The following FYN variants were observed in gnomAD, a reference collection of about 807,000 sequenced individuals.
FYN encodes FYN proto-oncogene, Src family tyrosine kinase.
In FYN, 10 loss-of-function variants were observed where a neutral mutation model predicts 70.2. The observed-to-expected ratio is 0.14, with a 90% CI of 0.09 to 0.24. The LOEUF (loss-of-function observed/expected upper bound fraction) is 0.24. Ranked by LOEUF, FYN falls within the 10% of genes least tolerant of loss-of-function variation. The pLI is 1.00. For missense variants in FYN, 319 were observed against 673.1 expected, an observed-to-expected ratio of 0.47 and a Z score of 5.82; for synonymous variants, 236 against 248.6, an observed-to-expected ratio of 0.95 and a Z score of 0.48.
intron 2 of FYN, among the ~76,000 whole-genome samples, chr6:111,835,894 T>C (rs6923217): frequency 0.15 from 22,869 of 152,046 alleles, 3,025 homozygotes; most frequent in African/African-American, 0.36. Context: ...AGAAACCTCA[T>C]CATATCCCAC....
intron 2 of FYN, among the ~76,000 whole-genome samples, chr6:111,782,718 A>T (rs1456020703): frequency 6.6e-6 from 1 of 152,140 alleles, no homozygotes; most frequent in East Asian, 1.9e-4. Flanking sequence ...ATACTCTCTC[A>T]ACCTTTCAGG....
At chr6:111,854,008 G>C (rs1773756967) in intron 1 of FYN, among the ~76,000 whole-genome samples, 1 of 152,242 alleles carries the variant, frequency 6.6e-6, no homozygotes, top group Admixed American at 6.5e-5. Context: ...CAGGTTGACA[G>C]TGTCCTTCCC....
At chr6:111,743,280 C>G (rs747604836) in intron 3 of FYN, among the ~76,000 whole-genome samples, 1 of 152,048 alleles carries the variant, frequency 6.6e-6, no homozygotes, top group Admixed American at 6.6e-5. Context: ...TCTTTTACAT[C>G]GTAGTTTTGA....
intron 2 of FYN, among the ~76,000 whole-genome samples, chr6:111,811,313 A>G (rs1583463721): frequency 6.6e-6 from 1 of 152,208 alleles, no homozygotes; most frequent in Non-Finnish European, 1.5e-5. Flanking sequence ...TTTCAAAAGG[A>G]AACGTTTTAA....
At chr6:111,859,109 G>A (rs900934084) in intron 1 of FYN, among the ~76,000 whole-genome samples, 6 of 151,864 alleles carry the variant, frequency 4.0e-5, no homozygotes, top group Non-Finnish European at 7.4e-5. Context: ...CTCCTCTTCC[G>A]TACCTGCTGT....
intron 1 of FYN, among the ~76,000 whole-genome samples, chr6:111,858,950 C>T (rs1773891863): frequency 1.3e-5 from 2 of 152,098 alleles, no homozygotes; most frequent in Admixed American, 6.5e-5. Flanking sequence ...GAGCCTATGG[C>T]TTTCCGTTTC....
chr6:111,755,639 G>A (rs1802698561), intron 3 of FYN, among the ~76,000 whole-genome samples: 3 of 152,248 alleles, frequency 2.0e-5, no homozygotes, highest in South Asian at 4.1e-4. Flanking sequence ...AAGTCTCAAT[G>A]CATTTTGTGG....
intron 2 of FYN, among the ~76,000 whole-genome samples, chr6:111,839,188 T>C (rs760958573): frequency 1.3e-5 from 2 of 152,188 alleles, no homozygotes; most frequent in African/African-American, 4.8e-5. Flanking sequence ...TCCTCTGTAC[T>C]ATGTCTTACC....
chr6:111,685,085 T>C (rs1583303889), intron 12 of FYN, among the ~76,000 whole-genome samples: 2 of 152,258 alleles, frequency 1.3e-5, no homozygotes, highest in Non-Finnish European at 2.9e-5. Context: ...ATAAACGCTA[T>C]GTTTGCGGAC....
chr6:111,862,962 G>A (rs1202208120), intron 1 of FYN, among the ~76,000 whole-genome samples: 2 of 152,210 alleles, frequency 1.3e-5, no homozygotes, highest in Non-Finnish European at 2.9e-5. Context: ...TGGGCTTCTG[G>A]CTAACCAAGC....
At chr6:111,747,008 A>G (rs1802255887) in intron 3 of FYN, among the ~76,000 whole-genome samples, 1 of 152,234 alleles carries the variant, frequency 6.6e-6, no homozygotes, top group South Asian at 2.1e-4. Flanking sequence ...ATAAATGGTT[A>G]GGTACATAAT....
At chr6:111,705,849 A>G (rs769236104) in intron 6 of FYN, among the ~76,000 whole-genome samples, 1 of 152,040 alleles carries the variant, frequency 6.6e-6, no homozygotes, top group Non-Finnish European at 1.5e-5. Flanking sequence ...CTGTCTCCCT[A>G]TGTTGCCCAG....
chr6:111,836,619 T>C (rs1018340473), intron 2 of FYN, among the ~76,000 whole-genome samples: 13 of 152,012 alleles, frequency 8.6e-5, no homozygotes, highest in African/African-American at 2.4e-4. Context: ...ATAAAAAATA[T>C]TAGCCAGGCG....
chr6:111,750,996 C>T (rs1362889395), intron 3 of FYN, among the ~76,000 whole-genome samples: 1 of 151,946 alleles, frequency 6.6e-6, no homozygotes, highest in Non-Finnish European at 1.5e-5. Context: ...AAAAAATGAC[C>T]CTGCATTTCT....
chr6:111,662,042 T>C, intron 13 of FYN, 95 bp from the exon 14 acceptor site: 3 of 1,060,660 alleles, frequency 2.8e-6, no homozygotes, highest in Non-Finnish European at 1.4e-6. Flanking sequence ...TGCGTCTGCA[T>C]GTGGCTAAAA....
intron 3 of FYN, among the ~76,000 whole-genome samples, chr6:111,773,012 G>C (rs1424373005): frequency 1.3e-5 from 2 of 151,262 alleles, no homozygotes; most frequent in Non-Finnish European, 2.9e-5. Flanking sequence ...ATTCTTAGGG[G>C]ACGGGTGGTG....
chr6:111,860,394 G>A (rs1773930868), intron 1 of FYN, among the ~76,000 whole-genome samples: 1 of 152,192 alleles, frequency 6.6e-6, no homozygotes, highest in African/African-American at 2.4e-5. Context: ...GCAGCACAGA[G>A]CAGGAATCTT....
chr6:111,673,401 C>T (rs1232164676), intron 13 of FYN, among the ~76,000 whole-genome samples: 2 of 152,126 alleles, frequency 1.3e-5, no homozygotes, highest in Non-Finnish European at 2.9e-5. Context: ...ACTTGGCTCT[C>T]CTAGGAGTCT....
intron 2 of FYN, among the ~76,000 whole-genome samples, chr6:111,805,816 A>C (rs541598268): frequency 5.3e-5 from 8 of 152,338 alleles, no homozygotes; most frequent in African/African-American, 1.9e-4. Flanking sequence ...TTACAACCTC[A>C]AATTAAAATG....
Sources: allele counts gnomAD v4.1 joint callset (sites outside exome capture counted in the v4.1 genomes callset), GRCh38; gene constraint gnomAD v4.1.1; transcripts MANE v1.5; gene names NCBI Gene and HGNC (gene_info 2026-07-23, HGNC 2026-07-21).